Variants in CAMKMT observed in about 807,000 individuals in gnomAD.
CAMKMT encodes the protein CaM KMT.
A neutral mutation model predicts 48.0 loss-of-function variants in CAMKMT; 53 were observed. The observed-to-expected ratio is 1.10, with a 90% CI of 0.89 to 1.39. The LOEUF (loss-of-function observed/expected upper bound fraction) is 1.39, where lower values mean the gene tolerates loss of function less well. Ranked by LOEUF, CAMKMT falls within the 40% of genes most tolerant of loss-of-function variation. The probability of loss-of-function intolerance (pLI) is 0.00; values close to 1 mark genes in which losing one functional copy is unlikely to be tolerated. For synonymous variants in CAMKMT, 165 were observed against 152.3 expected, an observed-to-expected ratio of 1.08 and a Z score of -0.61; for missense variants, 428 against 402.7, an observed-to-expected ratio of 1.06 and a Z score of -0.54.
At chr2:44,574,898 G>A (rs1266946431) in intron 3 of CAMKMT, among the ~76,000 whole-genome samples, 3 of 150,092 alleles carry the variant, frequency 2.0e-5, no homozygotes, top group Non-Finnish European at 4.4e-5. Flanking sequence ...GAGCCACCAC[G>A]CCCAGCTAAC....
intron 3 of CAMKMT, among the ~76,000 whole-genome samples, chr2:44,530,052 A>T (rs1435618983): frequency 6.6e-6 from 1 of 152,194 alleles, no homozygotes; most frequent in African/African-American, 2.4e-5. Flanking sequence ...AGTTAGAGAA[A>T]TGGATTTCAG....
At chr2:44,377,409 C>A (rs1036998409) in intron 2 of CAMKMT, among the ~76,000 whole-genome samples, 6 of 152,122 alleles carry the variant, frequency 3.9e-5, no homozygotes, top group African/African-American at 7.2e-5. Context: ...TACCAAAATT[C>A]TTTGATTAAA....
At chr2:44,555,968 G>A (rs4263157) in intron 3 of CAMKMT, among the ~76,000 whole-genome samples, 65,824 of 151,848 alleles carry the variant, frequency 0.43, 17,053 homozygotes, top group Non-Finnish European at 0.58. Context: ...AGTGGGCTAA[G>A]GGGTGAGTGA....
intron 3 of CAMKMT, among the ~76,000 whole-genome samples, chr2:44,393,150 A>C (rs1352694010): frequency 6.6e-6 from 1 of 152,216 alleles, no homozygotes; most frequent in African/African-American, 2.4e-5. Context: ...TGAAAGGATC[A>C]GTCTTACCTT....
At chr2:44,581,674 A>G (rs889725497) in intron 3 of CAMKMT, among the ~76,000 whole-genome samples, 1 of 152,258 alleles carries the variant, frequency 6.6e-6, no homozygotes, top group African/African-American at 2.4e-5. Context: ...AGAGCACTGT[A>G]AATTTTATAG....
At chr2:44,567,112 AAG>A (rs1668656326) in intron 3 of CAMKMT, among the ~76,000 whole-genome samples, 1 of 152,102 alleles carries the variant, frequency 6.6e-6, no homozygotes, top group Admixed American at 6.5e-5. Context: ...TAGGTTTGTA[AAG>A]AGTGTCAGAT....
chr2:44,438,045 T>G (rs1300110775), intron 3 of CAMKMT, among the ~76,000 whole-genome samples: 1 of 152,094 alleles, frequency 6.6e-6, no homozygotes, highest in East Asian at 1.9e-4. Context: ...ATGTATTAGT[T>G]TACATTATCT....
intron 3 of CAMKMT, among the ~76,000 whole-genome samples, chr2:44,502,914 T>C (rs899940516): frequency 6.6e-6 from 1 of 152,184 alleles, no homozygotes; most frequent in African/African-American, 2.4e-5. Context: ...AAACATTTTT[T>C]TAACTCATCT....
intron 3 of CAMKMT, among the ~76,000 whole-genome samples, chr2:44,561,697 G>A (rs1668331415): frequency 1.3e-5 from 2 of 152,178 alleles, no homozygotes; most frequent in African/African-American, 2.4e-5. Flanking sequence ...GCTATAGATA[G>A]ACAACAATAT....
intron 3 of CAMKMT, among the ~76,000 whole-genome samples, chr2:44,448,712 G>GT (rs1667134828): frequency 6.6e-6 from 1 of 152,032 alleles, no homozygotes; most frequent in East Asian, 1.9e-4. Context: ...ATGTATATGC[G>GT]TATGTTATAA....
intron 2 of CAMKMT, among the ~76,000 whole-genome samples, chr2:44,386,688 T>C (rs1680812080): frequency 6.6e-6 from 1 of 152,156 alleles, no homozygotes; most frequent in African/African-American, 2.4e-5. Flanking sequence ...ACCTTTGCTG[T>C]ATCCCATAGA....
At chr2:44,530,299 C>G (rs534815406) in intron 3 of CAMKMT, among the ~76,000 whole-genome samples, 3 of 152,256 alleles carry the variant, frequency 2.0e-5, no homozygotes, top group African/African-American at 7.2e-5. Context: ...ATATCAATAA[C>G]AAGTGTGATG....
At chr2:44,689,789 A>G (rs1328090108) in intron 3 of CAMKMT, among the ~76,000 whole-genome samples, 1 of 152,176 alleles carries the variant, frequency 6.6e-6, no homozygotes, top group Non-Finnish European at 1.5e-5. Context: ...AGCTCACATC[A>G]GGAGATGTTC....
At chr2:44,374,639 G>T (rs570996366) in intron 2 of CAMKMT, among the ~76,000 whole-genome samples, 1 of 152,318 alleles carries the variant, frequency 6.6e-6, no homozygotes, top group African/African-American at 2.4e-5. Context: ...TTGTAGAGAT[G>T]ATCCTCATGT....
At chr2:44,442,440 C>G (rs1030827445) in intron 3 of CAMKMT, among the ~76,000 whole-genome samples, 1 of 152,160 alleles carries the variant, frequency 6.6e-6, no homozygotes, top group Non-Finnish European at 1.5e-5. Flanking sequence ...GCCAAGGTTT[C>G]TATGAGTATG....
chr2:44,466,034 G>T (rs1401659634), intron 3 of CAMKMT, among the ~76,000 whole-genome samples: 1 of 152,060 alleles, frequency 6.6e-6, no homozygotes, highest in Non-Finnish European at 1.5e-5. Flanking sequence ...AATATATAAA[G>T]CAAACACTAG....
intron 3 of CAMKMT, among the ~76,000 whole-genome samples, chr2:44,428,381 T>C (rs1478967071): frequency 6.6e-6 from 1 of 152,234 alleles, no homozygotes; most frequent in Admixed American, 6.5e-5. Flanking sequence ...TCTTCTCTTC[T>C]TTCCTTCTCT....
At chr2:44,485,941 A>G (rs1417673157) in intron 3 of CAMKMT, among the ~76,000 whole-genome samples, 5 of 152,082 alleles carry the variant, frequency 3.3e-5, no homozygotes, top group Non-Finnish European at 7.4e-5. Context: ...AAACTGGGTG[A>G]TGATTATGTG....
intron 3 of CAMKMT, among the ~76,000 whole-genome samples, chr2:44,416,501 T>A (rs1485773923): frequency 6.6e-6 from 1 of 152,068 alleles, no homozygotes; most frequent in African/African-American, 2.4e-5. Context: ...TAAACTCTTC[T>A]CGTGTTTCAT....
Sources: gnomAD v4.1 joint callset for allele counts (sites outside exome capture counted in the v4.1 genomes callset) on GRCh38, gnomAD v4.1.1 for gene constraint, MANE v1.5 for transcripts, NCBI Gene and HGNC (gene_info 2026-07-23, HGNC 2026-07-21) for gene names.